PTPRZ1: variants seen among roughly 807,000 people sequenced by gnomAD.
PTPRZ1 encodes protein tyrosine phosphatase receptor type Z1.
In PTPRZ1, 82 loss-of-function variants were observed where a neutral mutation model predicts 214.1. The ratio of observed to expected loss-of-function variants is 0.38; its 90% CI spans 0.32 to 0.46. PTPRZ1 has a LOEUF of 0.46. Ranked by LOEUF, PTPRZ1 falls within the 20% of genes least tolerant of loss-of-function variation. PTPRZ1 has a pLI of 1.00. For synonymous variants in PTPRZ1, 945 were observed against 987.9 expected (o/e 0.96, Z 0.81); for missense variants, 2,603 against 2,748.7 (o/e 0.95, Z 1.19).
chr7:122,051,442 A>C lies in PTPRZ1; in HGVS notation c.6099A>C (p.Ser2033=), dbSNP rs771037773. The C allele has an allele frequency of 6.2e-7, 1 of 1,613,024 alleles. No homozygotes were observed. Among genetic ancestry groups the C allele is most frequent in the Non-Finnish European group, 8.5e-7 (1 of 1,179,586 alleles). The part of the protein sequence containing the change: ...LEKQFQLLSQ[S]NIQQSDYSAA... ...TTCTTGCCCAGCTCCTGAGCCAGTC[A>C]AATATACAGCAGAGTGACTATTCTG... The change falls in exon 24 of 30, where the codon TCA becomes TCC. Residue 2033 remains serine, a synonymous_variant. Transcript: ENST00000393386.
intron 10 of PTPRZ1, among the ~76,000 whole-genome samples, chr7:122,002,662 C>T (rs778573673): frequency 2.6e-5 from 4 of 152,112 alleles, no homozygotes; most frequent in Admixed American, 6.6e-5. Context: ...ACCCTTATTA[C>T]GATTAAATAA....
intron 9 of PTPRZ1, among the ~76,000 whole-genome samples, chr7:121,996,871 A>T (rs1798158722): frequency 6.6e-6 from 1 of 152,176 alleles, no homozygotes; most frequent in Non-Finnish European, 1.5e-5. Context: ...TTTCAGTTGT[A>T]GAATAGTGCC....
At chr7:122,028,455 T>C in intron 13 of PTPRZ1, 97 bp from the exon 14 acceptor site, 1 of 883,322 alleles carries the variant, frequency 1.1e-6, no homozygotes, top group Non-Finnish European at 1.8e-6. Flanking sequence ...GCTTTTGTTT[T>C]AATTCTGGAG....
chr7:122,034,424 T>C, intron 17 of PTPRZ1, 46 bp downstream of exon 17: 1 of 1,565,704 alleles, frequency 6.4e-7, no homozygotes, highest in Non-Finnish European at 8.8e-7. Context: ...TCATTGCCAT[T>C]TTGGTGCCTT....
At chr7:122,039,340 G>T in intron 19 of PTPRZ1, 114 bp from the exon 20 acceptor site, 1 of 1,130,078 alleles carries the variant, frequency 8.8e-7, no homozygotes, top group Non-Finnish European at 1.2e-6. Context: ...AAAACATTTA[G>T]AAGAGTGAAG....
In PTPRZ1 at chr7:121,976,760, T is replaced by A. The variant is rs529390598; in HGVS notation, c.553-25T>A. ...GTTATCCAAATGTTTTATTCTTTTT[T>A]TAGAATGTGATTCTTTTTTAACAGG... On this transcript the variant is annotated intron_variant, in intron 5 of 29. Transcript: ENST00000393386. 1.8e-5 allele frequency: 27 copies of A among 1,540,346 alleles called. No individual in the cohort carries two copies. In the African/African-American group the frequency reaches 3.6e-4, roughly 20 times the overall value.
At chr7:122,023,726 T>TAATTTTATATATAATTATATATATA (rs1562868703) in intron 13 of PTPRZ1, among the ~76,000 whole-genome samples, 9 of 108,836 alleles carry the variant, frequency 8.3e-5, no homozygotes, top group South Asian at 5.1e-4. Flanking sequence ...ATATATATTA[T>TAATTTTATATATAATTATATATATA]ATGTATAATT....
At chr7:121,989,528 C>A (rs998040286) in intron 8 of PTPRZ1, among the ~76,000 whole-genome samples, 3 of 152,170 alleles carry the variant, frequency 2.0e-5, no homozygotes, top group Non-Finnish European at 4.4e-5. Context: ...GCATGCGCCA[C>A]CACACCCAGC....
chr7:121,913,684 T>C (rs1795339887), intron 1 of PTPRZ1, among the ~76,000 whole-genome samples: 1 of 152,098 alleles, frequency 6.6e-6, no homozygotes, highest in Non-Finnish European at 1.5e-5. Context: ...GGGTTTTTTA[T>C]GAAAAGATTT....
chr7:121,955,697 TAGAC>T (rs1357341642), intron 2 of PTPRZ1, among the ~76,000 whole-genome samples: 1 of 152,202 alleles, frequency 6.6e-6, no homozygotes, highest in Non-Finnish European at 1.5e-5. Context: ...TAGGTGCAAT[TAGAC>T]AGAATCAGGC....
At chr7:121,935,691 C>T (rs1796066506) in intron 2 of PTPRZ1, among the ~76,000 whole-genome samples, 1 of 152,086 alleles carries the variant, frequency 6.6e-6, no homozygotes, top group Admixed American at 6.6e-5. Context: ...CCTCAGCCTC[C>T]TGAGTAGCTG....
At chr7:122,059,562 G>T in intron 28 of PTPRZ1, 191 bp from the exon 29 acceptor site, 1 of 596,050 alleles carries the variant, frequency 1.7e-6, no homozygotes, top group Non-Finnish European at 2.8e-6. Context: ...TTCCACTATT[G>T]ATATCATGAA....
At position 122,011,473 on chromosome 7, in the gene PTPRZ1, C is replaced by G. The variant is rs751757922; in HGVS notation, c.2427C>G (p.Ser809=). The G allele has an allele frequency of 6.2e-7, 1 of 1,614,036 alleles. No individual in the cohort carries two copies. Among genetic ancestry groups the G allele is most frequent in the Non-Finnish European group, 8.5e-7 (1 of 1,179,976 alleles). The change falls in exon 12 of 30, where the codon TCC becomes TCG. Residue 809 remains serine, a synonymous_variant. Coordinates refer to ENST00000393386, the MANE Select transcript of PTPRZ1 (RefSeq NM_002851.3). ...CCAGTGTCGATGTGTCATTTGAATC[C>G]ATCCTGTCTTCCTATGATGGTGCAC... ...VFPSVDVSFE[S]ILSSYDGAPL... is the part of the protein sequence containing the mutation.
In PTPRZ1 at chr7:122,013,849, T is replaced by G. The variant is rs1211704749; in HGVS notation, c.4803T>G (p.Val1601=). ...PGFPQSPTSS[V]TSENSEVFHV... is the part of the protein sequence containing the mutation. ...TCCCACAGTCCCCAACATCATCTGT[T>G]ACTAGCGAGAACTCAGAAGTGTTCC... Residue 1601 remains valine (V), a synonymous_variant, in exon 12 of 30, where the codon GTT becomes GTG. Coordinates refer to ENST00000393386, the MANE Select transcript of PTPRZ1 (RefSeq NM_002851.3). 6.2e-7 allele frequency: 1 copy of G among 1,613,476 alleles called. No homozygotes were observed. Among genetic ancestry groups the G allele is most frequent in the Non-Finnish European group, 8.5e-7 (1 of 1,179,646 alleles).
intron 1 of PTPRZ1, among the ~76,000 whole-genome samples, chr7:121,882,556 G>A (rs777559125): frequency 8.5e-5 from 13 of 152,156 alleles, no homozygotes; most frequent in Non-Finnish European, 1.6e-4. Flanking sequence ...GTCTCAAATG[G>A]TAGGTAGGAT....
intron 1 of PTPRZ1, among the ~76,000 whole-genome samples, chr7:121,925,626 G>T (rs1795733583): frequency 6.6e-6 from 1 of 152,196 alleles, no homozygotes; most frequent in East Asian, 1.9e-4. Context: ...GAAGCAAACT[G>T]GGTCAGGTTT....
At chr7:122,028,190 C>A in intron 13 of PTPRZ1, 1 of 166,014 alleles carries the variant, frequency 6.0e-6, no homozygotes, top group Non-Finnish European at 1.3e-5. Flanking sequence ...TGGCTCTATC[C>A]AAGATGGCAG....
chr7:121,974,319 TCA>T (rs1797363348), intron 4 of PTPRZ1, among the ~76,000 whole-genome samples: 1 of 152,190 alleles, frequency 6.6e-6, no homozygotes, highest in Non-Finnish European at 1.5e-5. Context: ...TTTAGCTTAC[TCA>T]CAATATTACC....
At chr7:121,939,203 G>A (rs1796173918) in intron 2 of PTPRZ1, among the ~76,000 whole-genome samples, 1 of 152,192 alleles carries the variant, frequency 6.6e-6, no homozygotes, top group Admixed American at 6.5e-5. Context: ...GATAAACACT[G>A]TGGAGTGAGT....
Sources: allele counts gnomAD v4.1 joint callset (sites outside exome capture counted in the v4.1 genomes callset), GRCh38; gene constraint gnomAD v4.1.1; transcripts MANE v1.5; gene names NCBI Gene and HGNC (gene_info 2026-07-23, HGNC 2026-07-21).